Variants in EGLN1 observed in about 807,000 individuals in gnomAD.
EGLN1 encodes the protein egl nine homolog 1.
A neutral mutation model predicts 38.3 loss-of-function variants in EGLN1; 17 were observed. The ratio of observed to expected loss-of-function variants is 0.44; its 90% CI spans 0.30 to 0.67. EGLN1 has a LOEUF of 0.67. EGLN1 is among the 30% of genes least tolerant of loss of function. The pLI, the probability that EGLN1 is intolerant of heterozygous loss-of-function variation, is 0.08. For synonymous variants in EGLN1, 283 were observed against 257.5 expected (o/e 1.10, Z -0.95); for missense variants, 477 against 603.3 (o/e 0.79, Z 2.19).
intron 1 of EGLN1, among the ~76,000 whole-genome samples, chr1:231,388,628 T>C (rs1179230722): frequency 2.0e-5 from 3 of 147,952 alleles, no homozygotes; most frequent in Non-Finnish European, 4.5e-5. Flanking sequence ...TGCACCACCA[T>C]GCCTACCTAA....
intron 1 of EGLN1, among the ~76,000 whole-genome samples, chr1:231,401,935 G>C (rs1295079249): frequency 6.6e-6 from 1 of 152,160 alleles, no homozygotes; most frequent in Admixed American, 6.5e-5. Context: ...AGTAATGAAT[G>C]TATGAGGATT....
intron 1 of EGLN1, chr1:231,420,365 C>T (rs960325846): frequency 1.9e-5 from 3 of 155,138 alleles, no homozygotes; most frequent in Non-Finnish European, 4.3e-5. Flanking sequence ...TACTTCTTTC[C>T]CCTTTTTGTA....
At chr1:231,410,088 T>A (rs1195229620) in intron 1 of EGLN1, among the ~76,000 whole-genome samples, 1 of 152,170 alleles carries the variant, frequency 6.6e-6, no homozygotes. Context: ...AAGGAAGAAC[T>A]GACGTAAGAA....
chr1:231,422,124 C>A lies in EGLN1; in HGVS notation c.-236G>T. 1 of 377,192 alleles carries A rather than the reference C, an allele frequency of 2.7e-6. No homozygotes were observed. Among genetic ancestry groups the A allele is most frequent in the Non-Finnish European group, 4.7e-6 (1 of 214,744 alleles). 23.4% of individuals were successfully genotyped at this position (377,192 alleles called of 1,614,324 possible). Reference sequence around the variant, plus strand: ...CTCAGCGCCTCATCGCCGCCGAGGGCTGAGAGAATAGGGCCTGTGCGGCGA... The same window carrying A: ...CTCAGCGCCTCATCGCCGCCGAGGGATGAGAGAATAGGGCCTGTGCGGCGA... On this transcript the variant is annotated 5_prime_UTR_variant, in exon 1 of 5. Transcript: ENST00000366641.
chr1:231,421,036 C>T lies in EGLN1; in HGVS notation c.853G>A (p.Gly285Arg). The T allele has an allele frequency of 1.9e-6, 3 of 1,614,116 alleles. No homozygotes were observed. Among genetic ancestry groups the T allele is most frequent in the South Asian group, 1.1e-5 (1 of 91,078 alleles). The change falls in exon 1 of 5, where the codon GGG becomes AGG. Residue 285 changes from glycine (G) to arginine (R), a missense_variant. This residue lies in a region of EGLN1 where 119 missense variants were observed against 179.0 expected (regional missense o/e 0.66). Transcript: ENST00000366641. The surrounding 1 kb of genome is among the most constrained non-coding windows in gnomAD (Gnocchi z 5.5). ...TTGATTTTGTAGCTGCCCAGCTTCC[C>T]GTTACAGTGGCGTATCAGGTCGTCC... The part of the protein sequence containing the change: ...SMDDLIRHCN[G>R]KLGSYKINGR...
Position 231,421,364 on chromosome 1 carries a change from G to A in EGLN1, c.525C>T (p.Pro175=), listed in dbSNP as rs750900131. 5 of 1,609,452 alleles carry A rather than the reference G, an allele frequency of 3.1e-6. No individual in the cohort carries two copies. In the South Asian group the frequency reaches 3.3e-5, roughly 11 times the overall value. The change falls in exon 1 of 5, where the codon CCC becomes CCT. Residue 175 remains proline, a synonymous_variant. Coordinates refer to ENST00000366641, the MANE Select transcript of EGLN1 (RefSeq NM_022051.3). This position sits in a 1 kb window ranked among gnomAD's most constrained non-coding sequence, Gnocchi z 5.5. The part of the protein sequence containing the change: ...PSNTPGDALS[P]GGGLRPNGQT... ...GCCCGTTGGGCCGCAGGCCGCCGCC[G>A]GGGCTCAGCGCATCCCCGGGCGTGT...
Position 231,365,653 on chromosome 1 carries a change from C to A in EGLN1, c.*758G>T, listed in dbSNP as rs1024993176. On this transcript the variant is annotated 3_prime_UTR_variant, in exon 5 of 5. Transcript: ENST00000366641. The stretch of plus-strand genomic sequence containing the variant: ...ACTGTCTCAAAAAAACAAAACAAAA[C>A]AAAAAAATTTAAACTCTTCTTGTGT... 1.3e-5 allele frequency: 2 copies of A among 152,050 alleles called. No homozygotes were observed. The highest frequency in any genetic ancestry group is 4.8e-5 in the African/African-American group (2 of 41,328). The allele number at this position is 152,050 out of a possible 1,614,324, so 9.4% of individuals were successfully genotyped here. A position where few individuals can be genotyped will look rare whatever the true frequency, so the allele number is the denominator to read the frequency against.
intron 1 of EGLN1, among the ~76,000 whole-genome samples, chr1:231,397,469 C>T (rs1259256558): frequency 1.3e-5 from 2 of 152,198 alleles, no homozygotes; most frequent in Non-Finnish European, 1.5e-5. Flanking sequence ...TATGGCCTAC[C>T]ACTGATTTTT....
intron 1 of EGLN1, among the ~76,000 whole-genome samples, chr1:231,406,996 C>A (rs1322389061): frequency 6.6e-6 from 1 of 152,164 alleles, no homozygotes; most frequent in East Asian, 1.9e-4. Flanking sequence ...ACTCTTTGCA[C>A]ATAAATCATC....
At chr1:231,367,845 T>C (rs1020082901) in intron 3 of EGLN1, among the ~76,000 whole-genome samples, 4 of 152,232 alleles carry the variant, frequency 2.6e-5, no homozygotes, top group South Asian at 4.1e-4. Context: ...ACTTTCTTAA[T>C]ACTTATTTCA....
intron 3 of EGLN1, among the ~76,000 whole-genome samples, chr1:231,368,800 C>T (rs966739962): frequency 1.2e-4 from 18 of 152,178 alleles, no homozygotes; most frequent in East Asian, 3.9e-4. Flanking sequence ...GGGAGCCTGA[C>T]GTTTACAGAC....
intron 1 of EGLN1, among the ~76,000 whole-genome samples, chr1:231,396,249 CTTT>C (rs5781649): frequency 7.2e-6 from 1 of 139,142 alleles, no homozygotes; most frequent in Non-Finnish European, 1.6e-5. Context: ...TCACTGGCTT[CTTT>C]TTTTTTTTTT....
chr1:231,409,748 T>G (rs1377292781), intron 1 of EGLN1, among the ~76,000 whole-genome samples: 2 of 152,204 alleles, frequency 1.3e-5, no homozygotes, highest in Non-Finnish European at 2.9e-5. Context: ...TTGTTACAGT[T>G]ACAGCTAATA....
At chr1:231,372,333 C>T (rs971633198) in intron 2 of EGLN1, among the ~76,000 whole-genome samples, 1 of 152,198 alleles carries the variant, frequency 6.6e-6, no homozygotes, top group African/African-American at 2.4e-5. Context: ...ATATTCAGTG[C>T]AATCTAGCAT....
At chr1:231,373,190 T>C (rs1687872346) in intron 2 of EGLN1, among the ~76,000 whole-genome samples, 1 of 152,204 alleles carries the variant, frequency 6.6e-6, no homozygotes, top group Admixed American at 6.5e-5. Context: ...GGCTTGTCAG[T>C]ACTGATAAAC....
intron 1 of EGLN1, among the ~76,000 whole-genome samples, chr1:231,408,200 G>C (rs542655938): frequency 6.6e-6 from 1 of 152,164 alleles, no homozygotes. Context: ...GGATATCTGG[G>C]AAGCAGACTT....
At chr1:231,378,707 T>C (rs1179516489) in intron 1 of EGLN1, among the ~76,000 whole-genome samples, 1 of 152,222 alleles carries the variant, frequency 6.6e-6, no homozygotes, top group Non-Finnish European at 1.5e-5. Flanking sequence ...CATTTATTTC[T>C]AGCATTAGAA....
intron 1 of EGLN1, chr1:231,420,128 C>A (rs147509156): frequency 1.3e-5 from 2 of 152,274 alleles, no homozygotes; most frequent in African/African-American, 2.4e-5. Context: ...GTGAAGAAAT[C>A]TGTGGAGGAA....
intron 1 of EGLN1, among the ~76,000 whole-genome samples, chr1:231,406,094 G>A (rs552174261): frequency 6.2e-5 from 9 of 144,162 alleles, no homozygotes; most frequent in Middle Eastern, 3.6e-3. Context: ...CCCGGGAGGC[G>A]GAACTTGCAG....
Sources: gnomAD v4.1 joint callset for allele counts (sites outside exome capture counted in the v4.1 genomes callset) on GRCh38, gnomAD v4.1.1 for gene constraint, gnomAD v4.1.1 regional missense constraint, Gnocchi (gnomAD v3.1) non-coding constraint, MANE v1.5 for transcripts, NCBI Gene and HGNC (gene_info 2026-07-23, HGNC 2026-07-21) for gene names.